ZFP1: variants seen among roughly 807,000 people sequenced by gnomAD.
The protein encoded by ZFP1 is zinc finger protein 1 homolog.
A neutral mutation model predicts 38.5 loss-of-function variants in ZFP1; 32 were observed. The ratio of observed to expected loss-of-function variants is 0.83; its 90% CI spans 0.63 to 1.12. ZFP1 has a LOEUF of 1.12. Ranked by LOEUF, ZFP1 falls within the 50% of genes most tolerant of loss-of-function variation. ZFP1 has a pLI of 0.00. For missense variants in ZFP1, 616 were observed against 480.8 expected (o/e 1.28, Z -2.63); for synonymous variants, 245 against 168.8 (o/e 1.45, Z -3.50).
the ZFP1 span, among the ~76,000 whole-genome samples, chr16:75,121,164 T>G: frequency 6.6e-6 from 1 of 151,746 alleles, no homozygotes; most frequent in Non-Finnish European, 1.5e-5. Context: ...ATAAATTTCT[T>G]TTTTGTTTTT....
At chr16:75,165,243 G>C (rs190702151) in intron 2 of ZFP1, among the ~76,000 whole-genome samples, 222 of 152,266 alleles carry the variant, frequency 1.5e-3, no homozygotes, top group Middle Eastern at 6.8e-3. Context: ...AATCTAGTTA[G>C]TTACTTACTT....
At position 75,169,714 on chromosome 16, in the gene ZFP1, C is replaced by A; in HGVS notation, c.604C>A (p.His202Asn). 1 of 1,613,120 alleles carries A rather than the reference C, an allele frequency of 6.2e-7. No homozygotes were observed. Among genetic ancestry groups the A allele is most frequent in the South Asian group, 1.1e-5 (1 of 91,010 alleles). ...AFSFKSLLISHKRIHTGEKPY... is the reference protein window; with the variant it reads ...AFSFKSLLISNKRIHTGEKPY... ...CTCCTTTAAGTCACTCCTCATTAGTCATAAGAGAATACATACTGGAGAAAA... is the reference window on the plus strand; with the variant it reads ...CTCCTTTAAGTCACTCCTCATTAGTAATAAGAGAATACATACTGGAGAAAA... Residue 202 changes from histidine (H) to asparagine (N), a missense_variant, in exon 4 of 4, where the codon CAT (histidine) becomes AAT (asparagine). Physicochemically the swap from His to Asn is moderately conservative, Grantham distance 68. Coordinates refer to ENST00000570010, the MANE Select transcript of ZFP1 (RefSeq NM_153688.4).
At chr16:75,131,355 A>T in the ZFP1 span, among the ~76,000 whole-genome samples, 1 of 152,028 alleles carries the variant, frequency 6.6e-6, no homozygotes, top group Non-Finnish European at 1.5e-5. Flanking sequence ...AAAAGACTTC[A>T]CAACTCTTTC....
At chr16:75,164,926 C>G (rs940209634) in intron 2 of ZFP1, among the ~76,000 whole-genome samples, 3 of 152,116 alleles carry the variant, frequency 2.0e-5, no homozygotes, top group African/African-American at 7.2e-5. Context: ...CTGCCTCAGC[C>G]TCCTGAGTAG....
chr16:75,159,275 CACTTCCCTT>C (rs2037628484), intron 2 of ZFP1, among the ~76,000 whole-genome samples: 2 of 136,422 alleles, frequency 1.5e-5, no homozygotes, highest in Non-Finnish European at 3.2e-5. Flanking sequence ...TTCCTTCCCT[CACTTCCCTT>C]CCTTCCCTCC....
At chr16:75,165,250 A>G (rs912899341) in intron 2 of ZFP1, among the ~76,000 whole-genome samples, 1 of 152,192 alleles carries the variant, frequency 6.6e-6, no homozygotes, top group African/African-American at 2.4e-5. Flanking sequence ...TTAGTTACTT[A>G]CTTGACCCTT....
chr16:75,144,244 C>T (rs796232612), upstream of ZFP1: 6 of 152,088 alleles, frequency 3.9e-5, no homozygotes, highest in African/African-American at 1.2e-4. Context: ...CCATTCTCTT[C>T]GTATAGTTCA....
intron 2 of ZFP1, among the ~76,000 whole-genome samples, chr16:75,154,274 T>G (rs1249973881): frequency 2.6e-5 from 4 of 152,168 alleles, no homozygotes; most frequent in Non-Finnish European, 5.9e-5. Context: ...GCTTGATAAC[T>G]CATTTCTTCT....
intron 1 of ZFP1, among the ~76,000 whole-genome samples, chr16:75,150,420 C>G (rs555198257): frequency 6.6e-6 from 1 of 151,862 alleles, no homozygotes; most frequent in East Asian, 1.9e-4. Flanking sequence ...GGGGTTTCAC[C>G]GTGTTAGCCA....
rs561946493 is a variant in ZFP1, at chr16:75,153,897, C to T, written c.15+931C>T. Among the ~76,000 whole-genome samples, 3 of 152,332 alleles carry T rather than the reference C, an allele frequency of 2.0e-5. No individual in the cohort carries two copies. The East Asian group carries it at 5.8e-4, about 29-fold the overall frequency. On this transcript the variant is annotated intron_variant, in intron 2 of 3. Coordinates refer to ENST00000570010, the MANE Select transcript of ZFP1 (RefSeq NM_153688.4). The stretch of plus-strand genomic sequence containing the variant: ...TAACACCCACTGATCTTTCTACTGT[C>T]TCATCTCCCTAGTCGTGTCTTTTCT...
At chr16:75,143,337 G>A in the ZFP1 span, among the ~76,000 whole-genome samples, 1 of 152,060 alleles carries the variant, frequency 6.6e-6, no homozygotes, top group Non-Finnish European at 1.5e-5. Context: ...CGCCCCTCGA[G>A]TTCAAGCAAT....
upstream of ZFP1, among the ~76,000 whole-genome samples, chr16:75,145,268 C>A (rs1417027023): frequency 6.6e-6 from 1 of 152,188 alleles, no homozygotes; most frequent in Non-Finnish European, 1.5e-5. Flanking sequence ...AAGACACTGA[C>A]AACAAATGCT....
chr16:75,165,085 A>G (rs776470637), intron 2 of ZFP1, among the ~76,000 whole-genome samples: 11 of 151,932 alleles, frequency 7.2e-5, no homozygotes, highest in Admixed American at 2.6e-4. Context: ...GATTACAGGC[A>G]TGAACCATCG....
In ZFP1 at chr16:75,172,232, A is replaced by C. The variant is rs1389962712; in HGVS notation, c.*1898A>C. 1 of 152,198 alleles carries C rather than the reference A, an allele frequency of 6.6e-6. No homozygotes were observed. Among genetic ancestry groups the C allele is most frequent in the East Asian group, 1.9e-4 (1 of 5,204 alleles). The allele number at this position is 152,198 out of a possible 1,614,324, so 9.4% of individuals were successfully genotyped here. A position where few individuals can be genotyped will look rare whatever the true frequency, so the allele number is the denominator to read the frequency against. ...TTTTATAAAATAAAGATAAACCCTT[A>C]TATATGTGTGTCTTTGTATATGATT... On this transcript the variant is annotated 3_prime_UTR_variant, in exon 4 of 4. Transcript: ENST00000570010.
At chr16:75,123,345 C>G in the ZFP1 span, among the ~76,000 whole-genome samples, 1 of 148,304 alleles carries the variant, frequency 6.7e-6, no homozygotes, top group Non-Finnish European at 1.5e-5. Context: ...CACAGAGACT[C>G]TGTCTAAAAT....
At chr16:75,160,181 C>T (rs982495406) in intron 2 of ZFP1, among the ~76,000 whole-genome samples, 2 of 152,184 alleles carry the variant, frequency 1.3e-5, no homozygotes, top group African/African-American at 4.8e-5. Context: ...CTATGTCTTA[C>T]TCCATTTTGT....
the ZFP1 span, among the ~76,000 whole-genome samples, chr16:75,125,496 AT>A: frequency 6.6e-6 from 1 of 151,730 alleles, no homozygotes; most frequent in East Asian, 2.0e-4. Flanking sequence ...CTAATTTTGT[AT>A]TTTTTTAGTA....
the ZFP1 span, among the ~76,000 whole-genome samples, chr16:75,119,274 T>C: frequency 6.6e-6 from 1 of 152,324 alleles, no homozygotes; most frequent in Non-Finnish European, 1.5e-5. Flanking sequence ...TGGTACCAGC[T>C]TGAGCTATCT....
chr16:75,163,148 C>G (rs1748669977), intron 2 of ZFP1, among the ~76,000 whole-genome samples: 1 of 151,896 alleles, frequency 6.6e-6, no homozygotes, highest in African/African-American at 2.4e-5. Context: ...ACCTCGTGAT[C>G]CACCTGCCTC....
Sources: allele counts gnomAD v4.1 joint callset (sites outside exome capture counted in the v4.1 genomes callset), GRCh38; gene constraint gnomAD v4.1.1; transcripts MANE v1.5; gene names NCBI Gene and HGNC (gene_info 2026-07-23, HGNC 2026-07-21).